CTNNA2: variants seen among roughly 807,000 people sequenced by gnomAD.
The protein encoded by CTNNA2 is catenin alpha-2.
CTNNA2 carries 42 observed loss-of-function variants against 101.0 expected under a neutral mutation model. The ratio of observed to expected loss-of-function variants is 0.42; its 90% CI spans 0.32 to 0.54. The LOEUF (loss-of-function observed/expected upper bound fraction) is 0.54, where lower values mean the gene tolerates loss of function less well. Ranked by LOEUF, CTNNA2 falls within the 20% of genes least tolerant of loss-of-function variation. The pLI, the probability that CTNNA2 is intolerant of heterozygous loss-of-function variation, is 0.14. For missense variants in CTNNA2, 871 were observed against 1,223.1 expected (o/e 0.71, Z 4.29); for synonymous variants, 450 against 456.4 (o/e 0.99, Z 0.18).
chr2:79,822,579 C>T (rs1304382935), intron 3 of CTNNA2, among the ~76,000 whole-genome samples: 1 of 152,136 alleles, frequency 6.6e-6, no homozygotes, highest in African/African-American at 2.4e-5. Flanking sequence ...CCAAGTCTGG[C>T]TCATTTTGCC....
intron 7 of CTNNA2, among the ~76,000 whole-genome samples, chr2:79,936,122 T>C (rs568932195): frequency 2.0e-5 from 3 of 152,360 alleles, no homozygotes; most frequent in Admixed American, 6.5e-5. Context: ...TGTGCTCTAT[T>C]TAGTGTATTC....
intron 1 of CTNNA2, among the ~76,000 whole-genome samples, chr2:79,579,429 A>G (rs1266819666): frequency 1.3e-5 from 2 of 152,154 alleles, no homozygotes; most frequent in African/African-American, 4.8e-5. Flanking sequence ...TACAGGTAGA[A>G]TTAGACACCT....
chr2:80,315,206 T>A (rs2149236105), intron 7 of CTNNA2, among the ~76,000 whole-genome samples: 1 of 152,242 alleles, frequency 6.6e-6, no homozygotes, highest in Middle Eastern at 3.4e-3. Context: ...TTTTGACTGC[T>A]CCCTCTTTAG....
At chr2:79,797,889 ATTC>A (rs1216587735) in intron 3 of CTNNA2, among the ~76,000 whole-genome samples, 6 of 152,144 alleles carry the variant, frequency 3.9e-5, no homozygotes, top group African/African-American at 1.4e-4. Context: ...TGAATCATTT[ATTC>A]TTCATTATTT....
At chr2:79,461,531 G>T (rs1670879069) in intron 4 of CTNNA2, among the ~76,000 whole-genome samples, 2 of 152,076 alleles carry the variant, frequency 1.3e-5, no homozygotes, top group African/African-American at 4.8e-5. Context: ...GAACCAGGTG[G>T]CTTCAGTCCC....
At chr2:79,233,964 A>G (rs1448259116) in intron 2 of CTNNA2, among the ~76,000 whole-genome samples, 1 of 150,198 alleles carries the variant, frequency 6.7e-6, no homozygotes, top group Non-Finnish European at 1.5e-5. Flanking sequence ...TCATGAAAAG[A>G]GTAGACTGTT....
At chr2:79,875,018 G>T (rs1019187157) in intron 6 of CTNNA2, among the ~76,000 whole-genome samples, 21 of 152,172 alleles carry the variant, frequency 1.4e-4, no homozygotes, top group Non-Finnish European at 2.9e-4. Context: ...TTAAATCAGT[G>T]ATAAAGTACA....
intron 7 of CTNNA2, among the ~76,000 whole-genome samples, chr2:80,204,750 C>G (rs938932319): frequency 6.6e-6 from 1 of 151,762 alleles, no homozygotes; most frequent in Non-Finnish European, 1.5e-5. Flanking sequence ...CAGCGCCCCA[C>G]TCTACTGGTA....
chr2:80,476,410 C>G (rs1685733879), intron 9 of CTNNA2, among the ~76,000 whole-genome samples: 1 of 152,126 alleles, frequency 6.6e-6, no homozygotes, highest in African/African-American at 2.4e-5. Context: ...TAATTTGATA[C>G]ACTAGTTGTA....
In CTNNA2 at chr2:80,147,430, T is replaced by C. The variant is rs573125255; in HGVS notation, c.1056+237633T>C. On this transcript the variant is annotated intron_variant, in intron 7 of 18. Transcript: ENST00000402739. ...ATCAGTGTGCAGTAAAGACTGAACA[T>C]AAAAATGGCGAATGGATATAAATGC... is the stretch of plus-strand genomic sequence containing the variant. 1.0e-3 allele frequency among the ~76,000 whole-genome samples: 152 copies of C among 152,224 alleles called. No homozygotes were observed. The Middle Eastern group carries it at 0.024, about 24-fold the overall frequency.
chr2:80,100,464 G>C (rs1206715918), intron 7 of CTNNA2, among the ~76,000 whole-genome samples: 1 of 152,102 alleles, frequency 6.6e-6, no homozygotes, highest in Non-Finnish European at 1.5e-5. Context: ...CCACCATCTT[G>C]CCTGTCCTTC....
chr2:80,628,793 C>T (rs969233561), intron 18 of CTNNA2, among the ~76,000 whole-genome samples: 4 of 152,030 alleles, frequency 2.6e-5, no homozygotes, highest in Admixed American at 6.6e-5. Context: ...CAGATAGAAG[C>T]TGCCAATGAA....
chr2:80,408,290 C>T (rs143877557), intron 8 of CTNNA2, among the ~76,000 whole-genome samples: 144 of 152,274 alleles, frequency 9.5e-4, no homozygotes, highest in African/African-American at 3.2e-3. Context: ...TACCTGGTAC[C>T]AATCCTACCA....
intron 7 of CTNNA2, among the ~76,000 whole-genome samples, chr2:80,219,580 G>A (rs534987307): frequency 1.4e-4 from 22 of 151,940 alleles, no homozygotes; most frequent in Middle Eastern, 3.4e-3. Context: ...CTCACCAATC[G>A]ACCCATTCAC....
At chr2:79,199,705 T>C (rs576358918) in intron 2 of CTNNA2, among the ~76,000 whole-genome samples, 28 of 152,240 alleles carry the variant, frequency 1.8e-4, no homozygotes, top group African/African-American at 6.7e-4. Flanking sequence ...CTTCTCACAG[T>C]TCTGGAGTCT....
rs187322678 is a variant in CTNNA2, at chr2:79,396,250, C to T, written c.-135+22237C>T. Among the ~76,000 whole-genome samples the T allele has an allele frequency of 6.2e-4, 95 of 152,200 alleles. 1 individual carries two copies. The highest frequency in any genetic ancestry group is 2.3e-3 in the African/African-American group (94 of 41,528). Reference sequence around the variant, plus strand: ...CAATCTTGGCTCACTGCAACTTCCCCTGGGTTCAAGTGATTCTCCTGTCTC... The same window carrying T: ...CAATCTTGGCTCACTGCAACTTCCCTTGGGTTCAAGTGATTCTCCTGTCTC... On this transcript the variant is annotated intron_variant, in intron 4 of 21. Coordinates refer to the CTNNA2 transcript ENST00000466387.
intron 2 of CTNNA2, among the ~76,000 whole-genome samples, chr2:79,234,812 ATCTAT>A (rs1674536237): frequency 6.6e-6 from 1 of 152,076 alleles, no homozygotes. Context: ...CTTCAGCTTG[ATCTAT>A]TCTGCTATTG....
intron 2 of CTNNA2, among the ~76,000 whole-genome samples, chr2:79,280,994 C>T (rs1025045035): frequency 2.6e-5 from 4 of 152,102 alleles, no homozygotes; most frequent in African/African-American, 9.7e-5. Context: ...TTCAGCATAA[C>T]TTTTCCTGAG....
At chr2:79,680,195 GAAAATCTCGGGATTTAGAGAT>G (rs1683466070) in intron 2 of CTNNA2, among the ~76,000 whole-genome samples, 1 of 152,028 alleles carries the variant, frequency 6.6e-6, no homozygotes, top group Non-Finnish European at 1.5e-5. Context: ...AAACAAAACA[GAAAATCTCGGGATTTAGAGAT>G]TTATCTTCCC....
Sources: allele counts gnomAD v4.1 joint callset (sites outside exome capture counted in the v4.1 genomes callset), GRCh38; gene constraint gnomAD v4.1.1; transcripts MANE v1.5; gene names NCBI Gene and HGNC (gene_info 2026-07-23, HGNC 2026-07-21).